Variants in KCND2 observed in about 807,000 individuals in gnomAD.
KCND2 encodes the protein potassium voltage-gated channel subfamily D member 2.
KCND2 carries 16 observed loss-of-function variants against 54.4 expected under a neutral mutation model. The ratio of observed to expected loss-of-function variants is 0.29; its 90% CI spans 0.20 to 0.45. The LOEUF is 0.45. Ranked by LOEUF, KCND2 falls within the 20% of genes least tolerant of loss-of-function variation. The probability of loss-of-function intolerance (pLI) is 1.00; values close to 1 mark genes in which losing one functional copy is unlikely to be tolerated. For missense variants in KCND2, 486 were observed against 824.2 expected (o/e 0.59, Z 5.02); for synonymous variants, 317 against 310.7 (o/e 1.02, Z -0.21).
intron 1 of KCND2, among the ~76,000 whole-genome samples, chr7:120,472,130 C>T (rs1802463871): frequency 6.6e-6 from 1 of 151,158 alleles, no homozygotes; most frequent in Admixed American, 6.6e-5. Flanking sequence ...TGGAATATTA[C>T]CTGAGGATAT....
At chr7:120,589,764 A>C (rs865936019) in intron 1 of KCND2, among the ~76,000 whole-genome samples, 32 of 152,318 alleles carry the variant, frequency 2.1e-4, no homozygotes, top group Non-Finnish European at 3.1e-4. Context: ...TCATATCTGG[A>C]CTGAGACTTT....
intron 1 of KCND2, among the ~76,000 whole-genome samples, chr7:120,597,030 G>A (rs2116467122): frequency 6.6e-6 from 1 of 152,250 alleles, no homozygotes; most frequent in Admixed American, 6.5e-5. Context: ...TCTATTTCTG[G>A]CACACTTAAA....
intron 1 of KCND2, among the ~76,000 whole-genome samples, chr7:120,595,599 A>ATATATATG (rs909093542): frequency 6.9e-6 from 1 of 144,886 alleles, no homozygotes; most frequent in African/African-American, 2.5e-5. Flanking sequence ...GTGTATATAT[A>ATATATATG]TATATATATA....
intron 1 of KCND2, among the ~76,000 whole-genome samples, chr7:120,461,749 T>A (rs76584594): frequency 0.014 from 2,167 of 151,308 alleles, 42 homozygotes; most frequent in East Asian, 0.046. Flanking sequence ...TTCATTTTTT[T>A]AAAAAAAAAC....
At chr7:120,704,264 C>T (rs1237462805) in intron 1 of KCND2, among the ~76,000 whole-genome samples, 2 of 152,102 alleles carry the variant, frequency 1.3e-5, no homozygotes, top group African/African-American at 4.8e-5. Flanking sequence ...TAGAAAGAGA[C>T]ATTTCTAAAA....
intron 1 of KCND2, among the ~76,000 whole-genome samples, chr7:120,652,082 C>T (rs112683895): frequency 1.4e-5 from 2 of 144,134 alleles, no homozygotes; most frequent in Non-Finnish European, 3.0e-5. Flanking sequence ...CTTTTTTTTT[C>T]CTTTTTTTTT....
intron 1 of KCND2, among the ~76,000 whole-genome samples, chr7:120,563,143 G>A (rs901043699): frequency 5.3e-5 from 8 of 152,036 alleles, no homozygotes; most frequent in African/African-American, 1.9e-4. Context: ...TCTAAAATAG[G>A]ATTCTGACAC....
chr7:120,419,913 C>CA (rs1801585560), intron 1 of KCND2, among the ~76,000 whole-genome samples: 2 of 146,450 alleles, frequency 1.4e-5, no homozygotes, highest in East Asian at 2.0e-4. Context: ...CACTGCCTGA[C>CA]AAAAAATAGT....
intron 1 of KCND2, among the ~76,000 whole-genome samples, chr7:120,590,887 AT>A (rs890751985): frequency 1.3e-5 from 2 of 151,874 alleles, no homozygotes; most frequent in East Asian, 1.9e-4. Context: ...TCATCAGAGA[AT>A]TTTTTTTATG....
intron 1 of KCND2, among the ~76,000 whole-genome samples, chr7:120,314,076 A>C (rs1799779045): frequency 6.6e-6 from 1 of 151,894 alleles, no homozygotes. Context: ...ATACAAAAAA[A>C]AAAAAGCCAA....
At chr7:120,503,241 A>G (rs1386959077) in intron 1 of KCND2, among the ~76,000 whole-genome samples, 1 of 152,066 alleles carries the variant, frequency 6.6e-6, no homozygotes, top group African/African-American at 2.4e-5. Flanking sequence ...ATTTTGCTAC[A>G]GTTTTCCATT....
intron 1 of KCND2, among the ~76,000 whole-genome samples, chr7:120,516,201 AAT>A: frequency 6.6e-6 from 1 of 152,286 alleles, no homozygotes; most frequent in East Asian, 1.9e-4. Flanking sequence ...TTTATTATAA[AAT>A]AAGAGCATTA....
In KCND2 at chr7:120,748,451, T is replaced by C. The variant is rs994575163; in HGVS notation, c.*593T>C. ...TTCTGTGCACTTACAACAAGCTGAGTGTTCATGTTCCATGGTGGGCTGTGC... is the reference window on the plus strand; with the variant it reads ...TTCTGTGCACTTACAACAAGCTGAGCGTTCATGTTCCATGGTGGGCTGTGC... On this transcript the variant is annotated 3_prime_UTR_variant, in exon 6 of 6. Coordinates refer to ENST00000331113, the MANE Select transcript of KCND2 (RefSeq NM_012281.3). 2.0e-5 allele frequency: 3 copies of C among 153,084 alleles called. No homozygotes were observed. The highest frequency in any genetic ancestry group is 4.8e-5 in the African/African-American group (2 of 41,436). 9.5% of individuals were successfully genotyped at this position (153,084 alleles called of 1,614,324 possible).
chr7:120,697,359 G>T (rs1020296023), intron 1 of KCND2, among the ~76,000 whole-genome samples: 1 of 151,988 alleles, frequency 6.6e-6, no homozygotes, highest in African/African-American at 2.4e-5. Context: ...TTCCCTTTTA[G>T]ATTTATCTAG....
At chr7:120,700,820 T>C (rs1562913777) in intron 1 of KCND2, among the ~76,000 whole-genome samples, 1 of 152,306 alleles carries the variant, frequency 6.6e-6, no homozygotes, top group East Asian at 1.9e-4. Flanking sequence ...CTAATAAATG[T>C]AATGCTAAAA....
At chr7:120,694,176 T>C (rs908326849) in intron 1 of KCND2, among the ~76,000 whole-genome samples, 1 of 152,354 alleles carries the variant, frequency 6.6e-6, no homozygotes, top group Admixed American at 6.5e-5. Context: ...GTAGGGTCTC[T>C]GGCTTCCTGC....
intron 1 of KCND2, among the ~76,000 whole-genome samples, chr7:120,697,893 A>G (rs181693125): frequency 7.9e-4 from 120 of 152,274 alleles, no homozygotes; most frequent in African/African-American, 2.5e-3. Context: ...TGGTCACCCA[A>G]TCGTGGTCAT....
chr7:120,393,485 G>C (rs919835377), intron 1 of KCND2, among the ~76,000 whole-genome samples: 1 of 151,954 alleles, frequency 6.6e-6, no homozygotes, highest in Non-Finnish European at 1.5e-5. Context: ...CAGGTGAAAT[G>C]TGTGTGAACT....
intron 1 of KCND2, among the ~76,000 whole-genome samples, chr7:120,340,709 T>A (rs1800227668): frequency 6.6e-6 from 1 of 152,156 alleles, no homozygotes; most frequent in Admixed American, 6.5e-5. Flanking sequence ...TTGACAAGGA[T>A]GCTTTTGTTG....
Sources: gnomAD v4.1 joint callset for allele counts (sites outside exome capture counted in the v4.1 genomes callset) on GRCh38, gnomAD v4.1.1 for gene constraint, MANE v1.5 for transcripts, NCBI Gene and HGNC (gene_info 2026-07-23, HGNC 2026-07-21) for gene names.